GRIA3: variants seen among roughly 807,000 people sequenced by gnomAD.
GRIA3 encodes the protein glutamate ionotropic receptor AMPA type subunit 3.
A neutral mutation model predicts 63.0 loss-of-function variants in GRIA3; 3 were observed. The observed-to-expected ratio is 0.05, with a 90% CI of 0.02 to 0.12. GRIA3 has a LOEUF of 0.12. Ranked by LOEUF, GRIA3 falls within the 10% of genes least tolerant of loss-of-function variation. GRIA3 has a pLI of 1.00. For synonymous variants in GRIA3, 274 were observed against 257.9 expected (o/e 1.06, Z -0.60); for missense variants, 347 against 700.9 (o/e 0.50, Z 5.70).
chrX:123,201,271 T>A (rs1428195060), intron 2 of GRIA3, among the ~76,000 whole-genome samples: 2 of 111,844 alleles, frequency 1.8e-5, no homozygotes, highest in African/African-American at 6.5e-5. Context: ...GAGATAGCAA[T>A]ACTTGAGCTG....
intron 4 of GRIA3, among the ~76,000 whole-genome samples, chrX:123,348,681 T>C (rs2045070963): frequency 2.7e-5 from 3 of 111,983 alleles, no homozygotes; most frequent in Non-Finnish European, 3.8e-5. Context: ...CCAAGGACTC[T>C]AGCTGATCAA....
At chrX:123,256,523 TAGAAATAGCAAG>T (rs1239137201) in intron 3 of GRIA3, among the ~76,000 whole-genome samples, 1 of 110,825 alleles carries the variant, frequency 9.0e-6, no homozygotes, top group Non-Finnish European at 1.9e-5. Flanking sequence ...TTTCAAGCAG[TAGAAATAGCAAG>T]TGCAAAGGTC....
intron 13 of GRIA3, among the ~76,000 whole-genome samples, chrX:123,476,737 G>A (rs1268833454): frequency 1.8e-5 from 2 of 110,521 alleles, no homozygotes; most frequent in East Asian, 2.8e-4. Flanking sequence ...TTATTTTTCC[G>A]ATCCAAGGCT....
chrX:123,222,005 T>G lies in GRIA3; in HGVS notation c.269-31298T>G, dbSNP rs148422228. The stretch of plus-strand genomic sequence containing the variant: ...TGACCACACCACTAGTCATAAATGA[T>G]GAACATCTGTAAGCATTCCTACAAA... On this transcript the variant is annotated intron_variant, in intron 2 of 15. Coordinates refer to ENST00000620443, the MANE Select transcript of GRIA3 (RefSeq NM_007325.5). Among the ~76,000 whole-genome samples the G allele has an allele frequency of 5.7e-3, 639 of 111,544 alleles. 9 individuals are homozygous for G. Among genetic ancestry groups the G allele is most frequent in the African/African-American group, 0.019 (582 of 30,643 alleles).
chrX:123,260,468 GAA>G (rs2044449651), intron 3 of GRIA3, among the ~76,000 whole-genome samples: 2 of 4,598 alleles, frequency 4.3e-4, no homozygotes, highest in African/African-American at 5.6e-4. Flanking sequence ...AAGGAAGGAA[GAA>G]GAAAGGAAAG....
At chrX:123,290,020 T>G (rs2044646101) in intron 3 of GRIA3, among the ~76,000 whole-genome samples, 1 of 111,368 alleles carries the variant, frequency 9.0e-6, no homozygotes, top group Non-Finnish European at 1.9e-5. Flanking sequence ...CACTGTTCTG[T>G]GAAATGCCAT....
intron 3 of GRIA3, among the ~76,000 whole-genome samples, chrX:123,317,866 C>G (rs1213415251): frequency 8.9e-6 from 1 of 112,619 alleles, no homozygotes; most frequent in African/African-American, 3.2e-5. Context: ...GGCTCTGACC[C>G]CACATTTCCC....
chrX:123,241,033 A>T (rs1189404194), intron 2 of GRIA3, among the ~76,000 whole-genome samples: 1 of 111,778 alleles, frequency 8.9e-6, no homozygotes, highest in Non-Finnish European at 1.9e-5. Flanking sequence ...CATACTGAAG[A>T]ACTTTAGCCA....
intron 4 of GRIA3, among the ~76,000 whole-genome samples, chrX:123,327,834 CA>C (rs756199746): frequency 5.2e-4 from 52 of 100,806 alleles, no homozygotes; most frequent in Middle Eastern, 5.2e-3. Context: ...TTCCCCCCCA[CA>C]AAAAAAAAAA....
At chrX:123,434,155 T>C (rs112215424) in intron 12 of GRIA3, among the ~76,000 whole-genome samples, 31 of 111,976 alleles carry the variant, frequency 2.8e-4, no homozygotes, top group African/African-American at 9.4e-4. Context: ...CATTTTGACA[T>C]AATCCAGAAA....
chrX:123,352,120 G>C (rs890960326), intron 4 of GRIA3, among the ~76,000 whole-genome samples: 2 of 105,913 alleles, frequency 1.9e-5, no homozygotes, highest in Admixed American at 2.0e-4. Context: ...CACTCTCGTT[G>C]CCCAGGCTGG....
In GRIA3 at chrX:123,326,230, T is replaced by C; in HGVS notation, c.696+17T>C. The C allele has an allele frequency of 8.6e-7, 1 of 1,165,260 alleles. No individual in the cohort carries two copies. Among genetic ancestry groups the C allele is most frequent in the Non-Finnish European group, 1.2e-6 (1 of 853,173 alleles). On this transcript the variant is annotated intron_variant, in intron 4 of 15. Transcript: ENST00000620443. ...TTGGAACAGGTACGTTTGAGATTTA[T>C]TTCACCGCCAGCCAACATGTTAAAT...
At chrX:123,360,855 T>TCA (rs10548566) in intron 5 of GRIA3, among the ~76,000 whole-genome samples, 27 of 46,515 alleles carry the variant, frequency 5.8e-4, no homozygotes, top group East Asian at 2.0e-3. Flanking sequence ...TCTCTCTCTC[T>TCA]CACACACACA....
chrX:123,234,829 A>G (rs1453597233), intron 2 of GRIA3, among the ~76,000 whole-genome samples: 2 of 112,127 alleles, frequency 1.8e-5, no homozygotes, highest in Non-Finnish European at 3.8e-5. Flanking sequence ...AAGAGGGTGC[A>G]AATGACAAAA....
intron 5 of GRIA3, among the ~76,000 whole-genome samples, chrX:123,359,102 A>G (rs1297611834): frequency 8.9e-6 from 1 of 111,954 alleles, no homozygotes; most frequent in Non-Finnish European, 1.9e-5. Context: ...GACGTAGACA[A>G]GATCAGTATT....
intron 3 of GRIA3, among the ~76,000 whole-genome samples, chrX:123,299,822 A>G (rs1224584361): frequency 9.0e-6 from 1 of 111,354 alleles, no homozygotes; most frequent in Non-Finnish European, 1.9e-5. Context: ...TCAAGGGGGA[A>G]TGCTTCTCAC....
At chrX:123,266,173 A>G (rs1161468041) in intron 3 of GRIA3, among the ~76,000 whole-genome samples, 6 of 111,970 alleles carry the variant, frequency 5.4e-5, no homozygotes, top group Admixed American at 1.9e-4. Context: ...CTTCTTGAAT[A>G]TTTTTGTAAT....
chrX:123,278,236 G>A (rs1388952436), intron 3 of GRIA3, among the ~76,000 whole-genome samples: 1 of 111,620 alleles, frequency 9.0e-6, no homozygotes, highest in Non-Finnish European at 1.9e-5. Context: ...GGTGGCAGAT[G>A]TACTCCAAAA....
At chrX:123,350,620 T>A (rs12008069) in intron 4 of GRIA3, among the ~76,000 whole-genome samples, 8,483 of 112,052 alleles carry the variant, frequency 0.076, 716 homozygotes, top group African/African-American at 0.24. Flanking sequence ...TTTTAACTGC[T>A]CAGTGATACC....
Sources: allele counts gnomAD v4.1 joint callset (sites outside exome capture counted in the v4.1 genomes callset), GRCh38; gene constraint gnomAD v4.1.1; transcripts MANE v1.5; gene names NCBI Gene and HGNC (gene_info 2026-07-23, HGNC 2026-07-21).